The following ZFYVE28 variants were observed in gnomAD, a reference collection of about 807,000 sequenced individuals.
ZFYVE28 encodes the protein zinc finger FYVE-type containing 28, also known as lateral signaling target protein 2 homolog.
ZFYVE28 carries 40 observed loss-of-function variants against 82.1 expected under a neutral mutation model. The observed-to-expected ratio is 0.49, with a 90% CI of 0.38 to 0.63. ZFYVE28 has a LOEUF of 0.63. Among genes scored for constraint, ZFYVE28 ranks in the 30% least tolerant of loss-of-function variants. The pLI is 0.00. For synonymous variants in ZFYVE28, 612 were observed against 546.1 expected (o/e 1.12, Z -1.68); for missense variants, 1,321 against 1,242.1 (o/e 1.06, Z -0.96).
In ZFYVE28 at chr4:2,304,402, C is replaced by G; in HGVS notation, c.1938G>C (p.Ala646=). Residue 646 remains alanine, a synonymous_variant, in exon 8 of 13, where the codon GCG becomes GCC. Coordinates refer to ENST00000290974, the MANE Select transcript of ZFYVE28 (RefSeq NM_020972.3). ...CCCCAGCCTCTCCTTGCAGCCCACT[C>G]GCTGTGTCCACCTGGGAACCTGAGG... The part of the protein sequence containing the change: ...PHTSGSQVDT[A]SGLQGEAGVA... The G allele has an allele frequency of 6.2e-7, 1 of 1,613,370 alleles. No individual in the cohort carries two copies. The highest frequency in any genetic ancestry group is 8.5e-7 in the Non-Finnish European group (1 of 1,180,008).
Position 2,320,085 on chromosome 4 carries a change from G to T in ZFYVE28, c.803+85C>A. 1 of 1,281,844 alleles carries T rather than the reference G, an allele frequency of 7.8e-7. No homozygotes were observed. The highest frequency in any genetic ancestry group is 1.1e-6 in the Non-Finnish European group (1 of 895,004). The allele number at this position is 1,281,844 out of a possible 1,614,324, so 79.4% of individuals were successfully genotyped here. On this transcript the variant is annotated intron_variant, in intron 7 of 12. Coordinates refer to ENST00000290974, the MANE Select transcript of ZFYVE28 (RefSeq NM_020972.3). This position sits in a 1 kb window ranked among gnomAD's most constrained non-coding sequence, Gnocchi z 5.1. ...CTCACAGAGAGGAGGAGGACCTGGA[G>T]GCGGCGGCTAAACATGACTTCAGCG...
chr4:2,357,385 C>T (rs1725486062), intron 1 of ZFYVE28, among the ~76,000 whole-genome samples: 1 of 152,206 alleles, frequency 6.6e-6, no homozygotes, highest in Non-Finnish European at 1.5e-5. Context: ...GGCAGAGGAG[C>T]CTTCCTGCCA....
chr4:2,392,538 T>A (rs1400831822), intron 1 of ZFYVE28, among the ~76,000 whole-genome samples: 1 of 152,222 alleles, frequency 6.6e-6, no homozygotes, highest in Non-Finnish European at 1.5e-5. Context: ...AAAGCCAGTG[T>A]CTGCAAGCAG....
chr4:2,310,564 G>A (rs1311379606), intron 7 of ZFYVE28, among the ~76,000 whole-genome samples: 1 of 152,150 alleles, frequency 6.6e-6, no homozygotes, highest in Non-Finnish European at 1.5e-5. Flanking sequence ...AGCATTTTGG[G>A]AGGCCAAGGC....
At chr4:2,413,765 G>T (rs575519807) in intron 1 of ZFYVE28, among the ~76,000 whole-genome samples, 2 of 152,208 alleles carry the variant, frequency 1.3e-5, no homozygotes, top group African/African-American at 2.4e-5. Context: ...GGGCATGGAC[G>T]CAGTGCTGTA....
intron 8 of ZFYVE28, among the ~76,000 whole-genome samples, chr4:2,291,948 TGTGA>T: frequency 6.6e-6 from 1 of 152,022 alleles, no homozygotes; most frequent in Non-Finnish European, 1.5e-5. Flanking sequence ...GAGTCAGGGA[TGTGA>T]GTGTCTCAAT....
intron 8 of ZFYVE28, among the ~76,000 whole-genome samples, chr4:2,283,553 T>TCCAC (rs1712274716): frequency 1.4e-5 from 2 of 148,068 alleles, no homozygotes; most frequent in South Asian, 4.3e-4. Flanking sequence ...CATCCATCCA[T>TCCAC]CCAACCATCC....
chr4:2,358,623 A>C (rs1399845352), intron 1 of ZFYVE28, among the ~76,000 whole-genome samples: 2 of 152,152 alleles, frequency 1.3e-5, no homozygotes, highest in Non-Finnish European at 1.5e-5. Context: ...TACTGAGCAC[A>C]GACTGCCCTG....
intron 8 of ZFYVE28, among the ~76,000 whole-genome samples, chr4:2,290,912 A>G (rs1713555167): frequency 6.6e-6 from 1 of 152,236 alleles, no homozygotes; most frequent in Non-Finnish European, 1.5e-5. Context: ...CCAGCTCTTG[A>G]AAAGATCCCA....
At chr4:2,411,935 G>A (rs977393220) in intron 1 of ZFYVE28, among the ~76,000 whole-genome samples, 3 of 152,198 alleles carry the variant, frequency 2.0e-5, no homozygotes, top group African/African-American at 2.4e-5. Context: ...GGGCCAGTCC[G>A]ACATGGTGAA....
chr4:2,370,310 T>C (rs1029949401), intron 1 of ZFYVE28, among the ~76,000 whole-genome samples: 6 of 152,130 alleles, frequency 3.9e-5, no homozygotes, highest in Non-Finnish European at 8.8e-5. Context: ...AGAAACCCCA[T>C]GTCAGTGCGT....
At chr4:2,278,289 G>C (rs1049773186) in intron 8 of ZFYVE28, among the ~76,000 whole-genome samples, 24 of 146,640 alleles carry the variant, frequency 1.6e-4, no homozygotes, top group African/African-American at 5.3e-4. Flanking sequence ...CTGGGCTCAA[G>C]TGAGCCTCCC....
Position 2,399,082 on chromosome 4 carries a change from G to A in ZFYVE28, c.39+19203C>T, listed in dbSNP as rs538299062. Among the ~76,000 whole-genome samples the A allele has an allele frequency of 3.7e-3, 501 of 134,810 alleles. 16 individuals carry two copies. The highest frequency in any genetic ancestry group is 0.012 in the Middle Eastern group (3 of 256). 88.4% of individuals were successfully genotyped at this position (134,810 alleles called of 152,430 possible). On this transcript the variant is annotated intron_variant, in intron 1 of 12. Coordinates refer to ENST00000290974, the MANE Select transcript of ZFYVE28 (RefSeq NM_020972.3). ...GAGGTGAGATCCAGGGCACAAGCGT[G>A]AAGGTGAGATCCAGGGCACAAGCTG...
chr4:2,331,955 G>A (rs148913727), intron 6 of ZFYVE28, among the ~76,000 whole-genome samples: 1,725 of 152,324 alleles, frequency 0.011, 35 homozygotes, highest in African/African-American at 0.039. Context: ...TCTGACCCTC[G>A]GGTGGGCTTG....
chr4:2,332,083 A>C lies in ZFYVE28; in HGVS notation c.701+3622T>G, dbSNP rs1215001944. Reference sequence around the variant, plus strand: ...TGGTAAATGTGGCATCACTGTTCTGACACTGTGTGCTGGAGAAGGGACTGG... The same window carrying C: ...TGGTAAATGTGGCATCACTGTTCTGCCACTGTGTGCTGGAGAAGGGACTGG... On this transcript the variant is annotated intron_variant, in intron 6 of 12. Transcript: ENST00000290974. This position sits in a 1 kb window ranked among gnomAD's most constrained non-coding sequence, Gnocchi z 4.7. Among the ~76,000 whole-genome samples the C allele has an allele frequency of 1.3e-5, 2 of 152,030 alleles. No individual in the cohort carries two copies. Among genetic ancestry groups the C allele is most frequent in the Non-Finnish European group, 2.9e-5 (2 of 67,968 alleles).
intron 7 of ZFYVE28, among the ~76,000 whole-genome samples, chr4:2,308,313 G>A (rs1716888563): frequency 6.6e-6 from 1 of 151,880 alleles, no homozygotes; most frequent in Admixed American, 6.6e-5. Flanking sequence ...AGTACACACA[G>A]CAGAAAAGCA....
chr4:2,322,069 G>A (rs1231217626), intron 6 of ZFYVE28, among the ~76,000 whole-genome samples: 1 of 152,232 alleles, frequency 6.6e-6, no homozygotes, highest in African/African-American at 2.4e-5. Flanking sequence ...GCTTTCGCGT[G>A]CTGGACGCAG....
intron 8 of ZFYVE28, among the ~76,000 whole-genome samples, chr4:2,283,264 C>T (rs1396608111): frequency 1.3e-5 from 2 of 151,658 alleles, no homozygotes; most frequent in African/African-American, 4.9e-5. Flanking sequence ...ATGTACCCAC[C>T]TGTCCACCCA....
At chr4:2,321,530 C>A (rs1719072628) in intron 6 of ZFYVE28, among the ~76,000 whole-genome samples, 1 of 152,098 alleles carries the variant, frequency 6.6e-6, no homozygotes, top group South Asian at 2.1e-4. Context: ...ACAGCACAAC[C>A]AGCCTTCCAT....
Sources: allele counts gnomAD v4.1 joint callset (sites outside exome capture counted in the v4.1 genomes callset), GRCh38; gene constraint gnomAD v4.1.1; non-coding constraint Gnocchi (gnomAD v3.1); transcripts MANE v1.5; gene names NCBI Gene and HGNC (gene_info 2026-07-23, HGNC 2026-07-21).